The following NAV1 variants were observed in gnomAD, a reference collection of about 807,000 sequenced individuals.
NAV1 encodes pore membrane and/or filament interacting like protein 3.
In NAV1, 18 loss-of-function variants were observed where a neutral mutation model predicts 175.2. The observed-to-expected ratio is 0.10, with a 90% CI of 0.07 to 0.15. NAV1 has a LOEUF of 0.15. Ranked by LOEUF, NAV1 falls within the 10% of genes least tolerant of loss-of-function variation. NAV1 has a pLI of 1.00. For missense variants in NAV1, 1,731 were observed against 2,436.6 expected (o/e 0.71, Z 6.10); for synonymous variants, 897 against 978.7 (o/e 0.92, Z 1.56).
Position 201,675,841 on chromosome 1 carries a change from G to A in NAV1, c.757+26416G>A, listed in dbSNP as rs149998732. Among the ~76,000 whole-genome samples the A allele has an allele frequency of 2.6e-4, 40 of 152,300 alleles. No homozygotes were observed. In the East Asian group the frequency reaches 7.5e-3, roughly 29 times the overall value. ...CATTTTCTGAAGCTGGATGGCAGAC[G>A]GGGAGCCTCAAGAGGGAAGAAAAGA... is the stretch of plus-strand genomic sequence containing the variant. On this transcript the variant is annotated intron_variant, in intron 1 of 29. Transcript: ENST00000367296.
chr1:201,800,447 A>G (rs1175738822), intron 15 of NAV1, among the ~76,000 whole-genome samples: 1 of 152,250 alleles, frequency 6.6e-6, no homozygotes, highest in Non-Finnish European at 1.5e-5. Context: ...TTGTAAATAA[A>G]GTTTTATTGG....
chr1:201,722,406 A>G (rs1466630318), intron 3 of NAV1, among the ~76,000 whole-genome samples: 1 of 152,248 alleles, frequency 6.6e-6, no homozygotes, highest in African/African-American at 2.4e-5. Flanking sequence ...GCATAATGTC[A>G]TCAGGGAGCA....
chr1:201,640,833 A>C (rs1433463645), intron 2 of NAV1, among the ~76,000 whole-genome samples: 1 of 152,208 alleles, frequency 6.6e-6, no homozygotes, highest in African/African-American at 2.4e-5. Flanking sequence ...TCATTCATTT[A>C]ATCAATCGTC....
chr1:201,574,634 T>C (rs1666641579), intron 1 of NAV1, among the ~76,000 whole-genome samples: 1 of 152,206 alleles, frequency 6.6e-6, no homozygotes. Context: ...AACCTGCAGC[T>C]TCCAAGGAAA....
At chr1:201,658,651 A>G (rs982591976) in intron 1 of NAV1, among the ~76,000 whole-genome samples, 1 of 152,142 alleles carries the variant, frequency 6.6e-6, no homozygotes, top group Non-Finnish European at 1.5e-5. Flanking sequence ...GTAGGCTCTG[A>G]GCAGATATTT....
At position 201,809,544 on chromosome 1, in the gene NAV1, G is replaced by A. The variant is rs1678552295; in HGVS notation, c.4401+7G>A. The A allele has an allele frequency of 1.9e-6, 3 of 1,612,456 alleles. No homozygotes were observed. Among genetic ancestry groups the A allele is most frequent in the Non-Finnish European group, 2.5e-6 (3 of 1,178,914 alleles). On this transcript the variant is annotated splice_region_variant and intron_variant, in intron 22 of 29. Transcript: ENST00000367296. ...TGTTTTCCAAGTGTTCAAGGTAAAG[G>A]GATACCTGTACTCAAAAAGGTTGTT... is the stretch of plus-strand genomic sequence containing the variant.
chr1:201,797,701 A>T (rs543617373), intron 15 of NAV1: 13 of 152,326 alleles, frequency 8.5e-5, no homozygotes, highest in African/African-American at 3.1e-4. Context: ...TTTTCAGCAT[A>T]TGAACCTTGT....
chr1:201,676,084 C>T (rs762367468), intron 1 of NAV1, among the ~76,000 whole-genome samples: 1 of 152,126 alleles, frequency 6.6e-6, no homozygotes, highest in Non-Finnish European at 1.5e-5. Context: ...GTATGCTGGC[C>T]GGTTCTGCTT....
intron 1 of NAV1, among the ~76,000 whole-genome samples, chr1:201,571,545 CACAG>C (rs1279103103): frequency 1.3e-5 from 2 of 152,232 alleles, no homozygotes; most frequent in African/African-American, 2.4e-5. Flanking sequence ...ATGATGAGAT[CACAG>C]ACAAAGGGGA....
intron 1 of NAV1, among the ~76,000 whole-genome samples, chr1:201,564,549 G>A (rs2102467793): frequency 6.6e-6 from 1 of 152,342 alleles, no homozygotes; most frequent in East Asian, 1.9e-4. Flanking sequence ...CTTGAACCCA[G>A]GAGGCAGAGG....
intron 17 of NAV1, among the ~76,000 whole-genome samples, chr1:201,805,158 C>G (rs767054700): frequency 1.4e-4 from 22 of 152,134 alleles, no homozygotes; most frequent in Non-Finnish European, 2.9e-4. Flanking sequence ...CTAACCCTAC[C>G]CCAACATTGT....
At chr1:201,804,248 C>T (rs1329795296) in intron 16 of NAV1, among the ~76,000 whole-genome samples, 3 of 152,242 alleles carry the variant, frequency 2.0e-5, no homozygotes, top group Non-Finnish European at 2.9e-5. Context: ...AAACTGACTT[C>T]GTATGACCTT....
At chr1:201,583,011 G>A (rs185999356) in intron 1 of NAV1, among the ~76,000 whole-genome samples, 1 of 152,372 alleles carries the variant, frequency 6.6e-6, no homozygotes, top group Non-Finnish European at 1.5e-5. Flanking sequence ...CTGTGTATAC[G>A]GGATCCCTCA....
intron 1 of NAV1, among the ~76,000 whole-genome samples, chr1:201,625,824 A>C (rs548554760): frequency 1.3e-5 from 2 of 152,370 alleles, no homozygotes; most frequent in Non-Finnish European, 2.9e-5. Context: ...TCAGAACCTG[A>C]CATTTTCCAA....
chr1:201,709,041 C>G (rs1671785912), intron 1 of NAV1, among the ~76,000 whole-genome samples: 1 of 150,814 alleles, frequency 6.6e-6, no homozygotes, highest in African/African-American at 2.4e-5. Flanking sequence ...CCCAGCTACT[C>G]AGGAGGCTAA....
Position 201,596,116 on chromosome 1 carries a change from C to T in NAV1, c.-33+7467C>T, listed in dbSNP as rs561353567. On this transcript the variant is annotated intron_variant, in intron 2 of 33. Transcript: ENST00000685211. Reference sequence around the variant, plus strand: ...TCTCACCATAAAATGATAACAACAACATTATCTACCCAATGGGGTTTTGTG... The same window carrying T: ...TCTCACCATAAAATGATAACAACAATATTATCTACCCAATGGGGTTTTGTG... 5.9e-5 allele frequency among the ~76,000 whole-genome samples: 9 copies of T among 152,350 alleles called. No homozygotes were observed. In the South Asian group the frequency reaches 1.7e-3, roughly 28 times the overall value.
At chr1:201,724,055 C>T (rs568359674) in intron 3 of NAV1, 3 of 152,284 alleles carry the variant, frequency 2.0e-5, no homozygotes, top group South Asian at 2.1e-4. Context: ...GCTCTCAGGA[C>T]GTCAATGACC....
intron 1 of NAV1, among the ~76,000 whole-genome samples, chr1:201,581,069 G>T (rs779777155): frequency 6.6e-5 from 10 of 152,194 alleles, no homozygotes; most frequent in Non-Finnish European, 1.0e-4. Flanking sequence ...CAAAACAGGA[G>T]AAGTTAGCAG....
chr1:201,791,426 G>A (rs2102745025), intron 13 of NAV1: 1 of 152,310 alleles, frequency 6.6e-6, no homozygotes, highest in South Asian at 2.1e-4. Flanking sequence ...TTTCTACCCT[G>A]TGACATGGGG....
Sources: gnomAD v4.1 joint callset for allele counts (sites outside exome capture counted in the v4.1 genomes callset) on GRCh38, gnomAD v4.1.1 for gene constraint, MANE v1.5 for transcripts, NCBI Gene and HGNC (gene_info 2026-07-23, HGNC 2026-07-21) for gene names.